ZP3: variants seen among roughly 807,000 people sequenced by gnomAD.
ZP3 encodes the protein zona pellucida sperm-binding protein 3.
A neutral mutation model predicts 35.6 loss-of-function variants in ZP3; 21 were observed. The ratio of observed to expected loss-of-function variants is 0.59; its 90% CI spans 0.42 to 0.85. The LOEUF is 0.85. ZP3 is among the 40% of genes least tolerant of loss of function. The pLI is 0.00. For missense variants in ZP3, 437 were observed against 536.5 expected (o/e 0.81, Z 1.83); for synonymous variants, 207 against 214.5 (o/e 0.96, Z 0.31).
At chr7:76,429,481 G>A (rs1338858002) in intron 1 of ZP3, 34 bp from the exon 2 acceptor site, 1 of 1,605,322 alleles carries the variant, frequency 6.2e-7, no homozygotes, top group South Asian at 1.1e-5. Context: ...GGCAGGTGAT[G>A]GCCGGCAGCA....
At chr7:76,400,799 G>C (rs1804798178) in intron 1 of ZP3, among the ~76,000 whole-genome samples, 1 of 152,172 alleles carries the variant, frequency 6.6e-6, no homozygotes, top group African/African-American at 2.4e-5. Context: ...TGCACTACGG[G>C]ACCCAGCCAG....
chr7:76,422,568 A>G (rs544914412), upstream of ZP3, among the ~76,000 whole-genome samples: 60 of 151,616 alleles, frequency 4.0e-4, no homozygotes, highest in African/African-American at 1.3e-3. Flanking sequence ...AATCCCAGCT[A>G]CTCAGGAGGC....
intron 1 of ZP3, among the ~76,000 whole-genome samples, chr7:76,408,720 C>G (rs916706959): frequency 6.6e-6 from 1 of 152,182 alleles, no homozygotes; most frequent in Non-Finnish European, 1.5e-5. Context: ...AGGTGGGCCC[C>G]TCCAGTCTGC....
In ZP3 at chr7:76,402,182, A is replaced by ATTT. The variant is rs57389874; in HGVS notation, c.-67+4401_-67+4403dup. Among the ~76,000 whole-genome samples, 40 of 127,222 alleles carry ATTT rather than the reference A, an allele frequency of 3.1e-4. 1 individual carries two copies. Among genetic ancestry groups the ATTT allele is most frequent in the South Asian group, 1.6e-3 (6 of 3,868 alleles). 83.5% of individuals were successfully genotyped at this position (127,222 alleles called of 152,430 possible). On this transcript the variant is annotated intron_variant, in intron 1 of 8. Coordinates refer to the ZP3 transcript ENST00000336517. Reference sequence around the variant, plus strand: ...CAAGCTCCTGCCACCCTGCCCAGCTATTTTTTTTTTTTTTTTTTGAGACAG... The same window carrying ATTT: ...CAAGCTCCTGCCACCCTGCCCAGCTATTTTTTTTTTTTTTTTTTTTTGAGACAG...
At chr7:76,414,557 C>T (rs964709860) in intron 1 of ZP3, among the ~76,000 whole-genome samples, 5 of 151,582 alleles carry the variant, frequency 3.3e-5, no homozygotes, top group African/African-American at 9.7e-5. Flanking sequence ...GCTTCTTCAA[C>T]GCTTCCGCTC....
At chr7:76,426,729 A>G (rs2115888993) in intron 1 of ZP3, among the ~76,000 whole-genome samples, 1 of 151,482 alleles carries the variant, frequency 6.6e-6, no homozygotes, top group South Asian at 2.1e-4. Flanking sequence ...GTTTTTTGAG[A>G]CAGTTTTGCT....
rs148065284 is a variant in ZP3 at position 76,430,079 on chromosome 7, G to A, written c.431+446G>A. ...TCTACTAAAAACACAGAAATTAGCC[G>A]GGTGTCTATAATCCCAGCTACTTGG... is the stretch of plus-strand genomic sequence containing the variant. On this transcript the variant is annotated intron_variant, in intron 2 of 7. Transcript: ENST00000394857. Among the ~76,000 whole-genome samples the A allele has an allele frequency of 3.7e-4, 56 of 151,976 alleles. 1 individual carries two copies. The East Asian group carries it at 5.2e-3, about 14-fold the overall frequency.
At chr7:76,429,246 G>C in intron 1 of ZP3, 1 of 440,340 alleles carries the variant, frequency 2.3e-6, no homozygotes, top group Non-Finnish European at 4.3e-6. Context: ...TACCTGTCCT[G>C]CCTCTTTCCT....
intron 5 of ZP3, among the ~76,000 whole-genome samples, chr7:76,437,171 CTTTTTTT>C (rs869115807): frequency 0.042 from 3,265 of 77,206 alleles, no homozygotes; most frequent in African/African-American, 0.1. Flanking sequence ...ACCCTGTGTA[CTTTTTTT>C]TTTTTTTTTT....
At chr7:76,432,045 A>G (rs1178615196) in intron 2 of ZP3, among the ~76,000 whole-genome samples, 1 of 151,946 alleles carries the variant, frequency 6.6e-6, no homozygotes, top group Non-Finnish European at 1.5e-5. Flanking sequence ...TAAAAAAAAA[A>G]AGTCTTACTC....
intron 1 of ZP3, among the ~76,000 whole-genome samples, chr7:76,407,767 A>C (rs1422819896): frequency 6.6e-6 from 1 of 152,158 alleles, no homozygotes; most frequent in Non-Finnish European, 1.5e-5. Context: ...ATAAACCATG[A>C]GCTTAGAGCT....
At chr7:76,398,351 C>T (rs1268223419) in intron 1 of ZP3, among the ~76,000 whole-genome samples, 1 of 150,846 alleles carries the variant, frequency 6.6e-6, no homozygotes, top group Non-Finnish European at 1.5e-5. Flanking sequence ...ACTGTGTCCC[C>T]CAGGCTAGAG....
chr7:76,428,856 T>C (rs955405332), intron 1 of ZP3: 2 of 152,328 alleles, frequency 1.3e-5, no homozygotes, highest in Non-Finnish European at 2.9e-5. Flanking sequence ...TAATTTTTTT[T>C]TTTTAAGTAG....
rs1417949313 is a variant in ZP3 at position 76,440,811 on chromosome 7, G to T, written c.1060+200G>T. ...GCCTTCCACCTCGGTGGCAGCCAGG[G>T]AGATCTGCTGTCATCCTAGGCTTCT... is the stretch of plus-strand genomic sequence containing the variant. On this transcript the variant is annotated intron_variant, in intron 7 of 7. Transcript: ENST00000394857. Among the ~76,000 whole-genome samples the T allele has an allele frequency of 2.6e-5, 4 of 151,274 alleles. No homozygotes were observed. The East Asian group carries it at 7.8e-4, about 29-fold the overall frequency.
At chr7:76,437,470 C>CTTTTTTTTTTTT (rs71521129) in intron 5 of ZP3, among the ~76,000 whole-genome samples, 5 of 134,874 alleles carry the variant, frequency 3.7e-5, no homozygotes, top group Admixed American at 7.6e-5. Context: ...ACACTCCCCT[C>CTTTTTTTTTTTT]TTTTTTTTTT....
intron 1 of ZP3, among the ~76,000 whole-genome samples, chr7:76,401,670 G>A (rs2115787696): frequency 6.6e-6 from 1 of 152,274 alleles, no homozygotes; most frequent in African/African-American, 2.4e-5. Flanking sequence ...ACCCACTTTG[G>A]CCTGCTAAAG....
chr7:76,429,179 T>C (rs1371525675), intron 1 of ZP3: 3 of 302,278 alleles, frequency 9.9e-6, no homozygotes, highest in Non-Finnish European at 2.0e-5. Context: ...TGATCCAGTC[T>C]GCCTGTGGTG....
At chr7:76,433,354 C>T (rs967707628) in intron 3 of ZP3, 116 bp from the exon 4 acceptor site, 25 of 1,157,190 alleles carry the variant, frequency 2.2e-5, no homozygotes, top group Admixed American at 2.5e-5. Context: ...GGGGTTTTGC[C>T]ACGTTGGCTA....
At chr7:76,437,427 C>G (rs1806052437) in intron 5 of ZP3, among the ~76,000 whole-genome samples, 1 of 150,978 alleles carries the variant, frequency 6.6e-6, no homozygotes, top group Non-Finnish European at 1.5e-5. Flanking sequence ...CCACCTGCCT[C>G]AGCAAGTGCT....
Sources: allele counts gnomAD v4.1 joint callset (sites outside exome capture counted in the v4.1 genomes callset), GRCh38; gene constraint gnomAD v4.1.1; transcripts MANE v1.5; gene names NCBI Gene and HGNC (gene_info 2026-07-23, HGNC 2026-07-21).